Variants in GABRG1 observed in about 807,000 individuals in gnomAD.
GABRG1 encodes the protein gamma-aminobutyric acid type A receptor subunit gamma1, also known as gamma-aminobutyric acid receptor subunit gamma-1.
GABRG1 carries 49 observed loss-of-function variants against 49.8 expected under a neutral mutation model. The observed-to-expected ratio is 0.98, with a 90% CI of 0.78 to 1.25. The LOEUF is 1.25. Among genes scored for constraint, GABRG1 ranks in the 50% most tolerant of loss-of-function variants. The pLI is 0.00. For missense variants in GABRG1, 552 were observed against 552.3 expected (o/e 1.00, Z 0.01); for synonymous variants, 232 against 185.1 (o/e 1.25, Z -2.06).
chr4:46,061,082 A>G (rs1448219457), intron 5 of GABRG1, among the ~76,000 whole-genome samples: 2 of 149,764 alleles, frequency 1.3e-5, no homozygotes, highest in Non-Finnish European at 2.9e-5. Context: ...ATTACTATTA[A>G]CAACAATCAA....
intron 1 of GABRG1, among the ~76,000 whole-genome samples, chr4:46,098,124 C>T (rs537344077): frequency 5.4e-4 from 82 of 151,816 alleles, no homozygotes; most frequent in African/African-American, 1.9e-3. Context: ...AAAACTGAGA[C>T]TCAAACATTG....
At chr4:46,079,326 C>T (rs1371947637) in intron 3 of GABRG1, among the ~76,000 whole-genome samples, 3 of 151,830 alleles carry the variant, frequency 2.0e-5, no homozygotes, top group African/African-American at 4.8e-5. Context: ...AACTGGTGCC[C>T]TTGTTCCTCA....
Position 46,083,207 on chromosome 4 carries a change from G to GA in GABRG1, c.321+778dup, listed in dbSNP as rs1391480286. Among the ~76,000 whole-genome samples, 3 of 151,272 alleles carry GA rather than the reference G, an allele frequency of 2.0e-5. No individual in the cohort carries two copies. In the Admixed American group the frequency reaches 2.0e-4, roughly 10 times the overall value. ...AAATTCTCAAAAAATTACCTATTTTGAAAAAAATGTATTATTTTCATCTCC... is the reference window on the plus strand; with the variant it reads ...AAATTCTCAAAAAATTACCTATTTTGAAAAAAAATGTATTATTTTCATCTCC... On this transcript the variant is annotated intron_variant, in intron 3 of 8. Transcript: ENST00000295452.
chr4:46,090,941 CACACACACACACAT>C (rs1393971494), intron 2 of GABRG1, among the ~76,000 whole-genome samples: 194 of 138,718 alleles, frequency 1.4e-3, no homozygotes, highest in African/African-American at 5.5e-3. Context: ...AATACACACA[CACACACACACACAT>C]ACACACACAC....
Position 46,065,644 on chromosome 4 carries a change from G to A in GABRG1, c.322-60C>T. On this transcript the variant is annotated intron_variant, in intron 3 of 8. Coordinates refer to ENST00000295452, the MANE Select transcript of GABRG1 (RefSeq NM_173536.4). ...AGCTACTATTTTAGTTGTTTTTCTC[G>A]AAAGTTTGAATTTTTGTATTGTAAA... The A allele has an allele frequency of 3.7e-6, 3 of 804,744 alleles. No homozygotes were observed. In the Admixed American group the frequency reaches 8.2e-5, roughly 22 times the overall value. 49.9% of individuals were successfully genotyped at this position (804,744 alleles called of 1,614,324 possible). A position where few individuals can be genotyped will look rare whatever the true frequency, so the allele number is the denominator to read the frequency against.
intron 7 of GABRG1, among the ~76,000 whole-genome samples, chr4:46,055,086 G>A (rs1718380675): frequency 1.8e-5 from 1 of 56,138 alleles, no homozygotes; most frequent in East Asian, 4.2e-4. Flanking sequence ...GGCAACAAAA[G>A]CCAAAATTGA....
chr4:46,094,500 T>G (rs1037564023), intron 2 of GABRG1, among the ~76,000 whole-genome samples: 5 of 151,960 alleles, frequency 3.3e-5, no homozygotes, highest in Non-Finnish European at 7.4e-5. Context: ...AACATGTATT[T>G]GGAAACCAGC....
chr4:46,051,098 T>C (rs893776620), intron 8 of GABRG1, among the ~76,000 whole-genome samples: 2 of 151,988 alleles, frequency 1.3e-5, no homozygotes, highest in South Asian at 2.1e-4. Context: ...GTAAGGTAAT[T>C]TTGTTAGAAA....
intron 8 of GABRG1, among the ~76,000 whole-genome samples, chr4:46,041,697 T>C (rs1717793579): frequency 6.6e-6 from 1 of 152,018 alleles, no homozygotes; most frequent in South Asian, 2.1e-4. Context: ...TTTGTGAAGA[T>C]ATGAATTGAC....
At chr4:46,107,593 G>T (rs543447302) in intron 1 of GABRG1, among the ~76,000 whole-genome samples, 3 of 149,446 alleles carry the variant, frequency 2.0e-5, no homozygotes, top group East Asian at 4.0e-4. Context: ...TTTCTCATAT[G>T]TGAATTATGA....
intron 3 of GABRG1, 119 bp downstream of exon 3, chr4:46,083,867 A>G: frequency 2.9e-6 from 2 of 683,036 alleles, no homozygotes; most frequent in Non-Finnish European, 5.3e-6. Flanking sequence ...GTAATTGTAC[A>G]TGTTGATCTG....
intron 7 of GABRG1, among the ~76,000 whole-genome samples, chr4:46,056,328 C>T (rs1207046285): frequency 6.6e-6 from 1 of 151,850 alleles, no homozygotes; most frequent in South Asian, 2.1e-4. Context: ...TTCTGAACCC[C>T]AAAGCATGGC....
chr4:46,111,041 A>G (rs1328224375), intron 1 of GABRG1, among the ~76,000 whole-genome samples: 1 of 151,170 alleles, frequency 6.6e-6, no homozygotes, highest in Non-Finnish European at 1.5e-5. Context: ...TCGAACAGAA[A>G]AAGAAGAAAT....
In GABRG1 at chr4:46,041,168, A is replaced by C. The variant is rs772548675; in HGVS notation, c.1218T>G (p.Cys406Trp). The C allele has an allele frequency of 1.1e-5, 18 of 1,613,122 alleles. No homozygotes were observed. The highest frequency in any genetic ancestry group is 1.4e-5 in the Non-Finnish European group (17 of 1,179,372). Residue 406 changes from cysteine to tryptophan, a missense_variant, in exon 9 of 9, where the codon TGT becomes TGG. Physicochemically the swap from Cys to Trp is radical, Grantham distance 215 (BLOSUM62 -2). Coordinates refer to ENST00000295452, the MANE Select transcript of GABRG1 (RefSeq NM_173536.4). ...VPQEDDYGYQ[C>W]LEGKDCASFF... is the part of the protein sequence containing the mutation. ...AGCTGGCACAATCTTTGCCCTCCAAACACTGATACCCATAATCATCTTCTT... is the reference window on the plus strand; with the variant it reads ...AGCTGGCACAATCTTTGCCCTCCAACCACTGATACCCATAATCATCTTCTT...
chr4:46,099,532 A>G (rs13120165), intron 1 of GABRG1, among the ~76,000 whole-genome samples: 12,310 of 151,744 alleles, frequency 0.081, 962 homozygotes, highest in African/African-American at 0.2. Flanking sequence ...AGATTGCCTC[A>G]GGATGGTCCA....
chr4:46,106,615 C>G (rs978366223), intron 1 of GABRG1, among the ~76,000 whole-genome samples: 1 of 151,406 alleles, frequency 6.6e-6, no homozygotes. Flanking sequence ...CTTGGTTCTA[C>G]TCTGCTCAAC....
chr4:46,059,975 G>A (rs1475934848), intron 5 of GABRG1, among the ~76,000 whole-genome samples: 1 of 151,640 alleles, frequency 6.6e-6, no homozygotes, highest in Admixed American at 6.6e-5. Context: ...TTATATTAAT[G>A]TTTTATGTAT....
intron 1 of GABRG1, among the ~76,000 whole-genome samples, chr4:46,104,520 T>C (rs531110218): frequency 6.6e-6 from 1 of 151,668 alleles, no homozygotes; most frequent in East Asian, 2.0e-4. Flanking sequence ...ATAGCCATAA[T>C]ACATTATTAC....
intron 1 of GABRG1, among the ~76,000 whole-genome samples, chr4:46,102,601 T>C (rs1720418100): frequency 6.7e-6 from 1 of 148,992 alleles, no homozygotes; most frequent in African/African-American, 2.6e-5. Context: ...TCTCAAAGAC[T>C]TCTTCACACA....
Sources: allele counts gnomAD v4.1 joint callset (sites outside exome capture counted in the v4.1 genomes callset), GRCh38; gene constraint gnomAD v4.1.1; transcripts MANE v1.5; gene names NCBI Gene and HGNC (gene_info 2026-07-23, HGNC 2026-07-21).